NVL: variants seen among roughly 807,000 people sequenced by gnomAD.
The protein encoded by NVL is nuclear valosin-containing protein-like.
A neutral mutation model predicts 110.2 loss-of-function variants in NVL; 84 were observed. The observed-to-expected ratio is 0.76, with a 90% CI of 0.64 to 0.91. The LOEUF is 0.91. Ranked by LOEUF, NVL falls within the 40% of genes least tolerant of loss-of-function variation. The probability of loss-of-function intolerance (pLI) is 0.00; values close to 1 mark genes in which losing one functional copy is unlikely to be tolerated. For synonymous variants in NVL, 354 were observed against 361.1 expected (o/e 0.98, Z 0.22); for missense variants, 882 against 1,035.9 (o/e 0.85, Z 2.04).
chr1:224,311,914 A>T, intron 4 of NVL, 57 bp from the exon 5 acceptor site: 2 of 1,314,546 alleles, frequency 1.5e-6, no homozygotes, highest in Non-Finnish European at 2.2e-6. Flanking sequence ...TCCTAAAAAA[A>T]TGACTACCCA....
At chr1:224,249,881 G>A (rs1476061767) in intron 19 of NVL, among the ~76,000 whole-genome samples, 2 of 152,170 alleles carry the variant, frequency 1.3e-5, no homozygotes, top group Admixed American at 1.3e-4. Flanking sequence ...CCACAGGTGG[G>A]TGCCACCATA....
intron 9 of NVL, among the ~76,000 whole-genome samples, chr1:224,303,329 G>T (rs1387505548): frequency 6.6e-6 from 1 of 151,896 alleles, no homozygotes. Context: ...CAGCTACTGG[G>T]GAGGCTGAGG....
chr1:224,248,278 CTTT>C (rs1470266600), intron 19 of NVL, among the ~76,000 whole-genome samples: 6 of 152,202 alleles, frequency 3.9e-5, no homozygotes, highest in Admixed American at 3.3e-4. Context: ...TCTATATCTT[CTTT>C]GTTATTCCCG....
At chr1:224,274,723 A>G (rs962435496) in intron 17 of NVL, among the ~76,000 whole-genome samples, 2 of 152,190 alleles carry the variant, frequency 1.3e-5, no homozygotes, top group Non-Finnish European at 2.9e-5. Context: ...GTTATGCTTC[A>G]CTAAGCTTCA....
chr1:224,247,233 C>T lies in NVL; in HGVS notation c.2289+2979G>A, dbSNP rs1661950276. On this transcript the variant is annotated intron_variant, in intron 19 of 22. Transcript: ENST00000281701. ...ACTTTTTTTTCCTTTGAGACAGGGT[C>T]TCAGCTCTGTTGCTCAGGCTGGAGT... Among the ~76,000 whole-genome samples the T allele has an allele frequency of 5.3e-5, 8 of 151,958 alleles. No homozygotes were observed. In the South Asian group the frequency reaches 1.7e-3, roughly 31 times the overall value.
chr1:224,309,086 T>C (rs2102726831), intron 5 of NVL, among the ~76,000 whole-genome samples: 1 of 142,392 alleles, frequency 7.0e-6, no homozygotes, highest in South Asian at 2.3e-4. Context: ...AAAAAAAGAC[T>C]TCACTCCATT....
At chr1:224,303,249 A>G (rs1668591408) in intron 9 of NVL, among the ~76,000 whole-genome samples, 1 of 152,134 alleles carries the variant, frequency 6.6e-6, no homozygotes, top group South Asian at 2.1e-4. Context: ...AGCCTGGGCA[A>G]GAGGGTGAAA....
In NVL at chr1:224,303,736, T is replaced by C. The variant is rs142913195; in HGVS notation, c.947A>G (p.His316Arg). 2.3e-4 allele frequency: 374 copies of C among 1,612,262 alleles called. 1 individual carries two copies. The African/African-American group carries it at 4.4e-3, about 19-fold the overall frequency. The change falls in exon 9 of 23, where the codon CAT (histidine) becomes CGT (arginine). Residue 316 changes from histidine to arginine, a missense_variant. Physicochemically the swap from His to Arg is conservative, Grantham distance 29. Transcript: ENST00000281701. ...PPGCGKTLLA[H>R]AIAGELDLPI... ...AGCAAGCCTCACCCCAGCAATTGCATGTGCAAGTAATGTCTTCCCACAGCC... is the reference window on the plus strand; with the variant it reads ...AGCAAGCCTCACCCCAGCAATTGCACGTGCAAGTAATGTCTTCCCACAGCC...
At chr1:224,240,997 G>A (rs998281156) in intron 19 of NVL, among the ~76,000 whole-genome samples, 2 of 151,762 alleles carry the variant, frequency 1.3e-5, no homozygotes, top group African/African-American at 2.4e-5. Flanking sequence ...CACCATGTTG[G>A]CCAGGCTGGT....
chr1:224,307,987 A>G lies in NVL; in HGVS notation c.615+4T>C, dbSNP rs1170650008. 6.6e-6 allele frequency: 10 copies of G among 1,512,286 alleles called. No individual in the cohort carries two copies. The Admixed American group carries it at 1.6e-4, about 24-fold the overall frequency. The allele number at this position is 1,512,286 out of a possible 1,614,324, so 93.7% of individuals were successfully genotyped here. On this transcript the variant is annotated splice_donor_region_variant and intron_variant, in intron 6 of 22. Transcript: ENST00000281701. ...ATGGGGCTAAAATTTCATTACAAAA[A>G]TACCTGTATCTCAGTTATTGGCTTC...
intron 20 of NVL, among the ~76,000 whole-genome samples, chr1:224,234,227 T>C (rs1364428504): frequency 6.6e-6 from 1 of 152,194 alleles, no homozygotes; most frequent in Non-Finnish European, 1.5e-5. Flanking sequence ...AGCACAGTTC[T>C]GAGTTCAATG....
intron 18 of NVL, among the ~76,000 whole-genome samples, chr1:224,259,321 C>T (rs753431870): frequency 4.6e-5 from 7 of 152,114 alleles, no homozygotes; most frequent in African/African-American, 9.7e-5. Flanking sequence ...AAACTCCTGG[C>T]CTCAAGTGGT....
At chr1:224,303,115 G>C (rs1668580008) in intron 9 of NVL, 1 of 170,058 alleles carries the variant, frequency 5.9e-6, no homozygotes, top group South Asian at 1.1e-4. Context: ...TGTAAGCTAT[G>C]TGTTAATAAA....
chr1:224,268,976 A>G lies in NVL; in HGVS notation c.2083-843T>C, dbSNP rs112331275. Reference sequence around the variant, plus strand: ...GCCCGGCCCTAGACTAAGCTTTTGAACCCCAAATTTCCCAGTATATCAGGT... The same window carrying G: ...GCCCGGCCCTAGACTAAGCTTTTGAGCCCCAAATTTCCCAGTATATCAGGT... On this transcript the variant is annotated intron_variant, in intron 17 of 22. Coordinates refer to ENST00000281701, the MANE Select transcript of NVL (RefSeq NM_002533.4). Among the ~76,000 whole-genome samples the G allele has an allele frequency of 8.5e-3, 1,280 of 150,474 alleles. 19 individuals carry two copies. The highest frequency in any genetic ancestry group is 0.03 in the African/African-American group (1,210 of 40,932).
chr1:224,241,062 T>C (rs1225140432), intron 19 of NVL, among the ~76,000 whole-genome samples: 1 of 152,174 alleles, frequency 6.6e-6, no homozygotes, highest in African/African-American at 2.4e-5. Flanking sequence ...GTGCTGGGAT[T>C]ACAGGCACAA....
At chr1:224,293,549 T>C (rs1311794325) in intron 12 of NVL, among the ~76,000 whole-genome samples, 1 of 152,256 alleles carries the variant, frequency 6.6e-6, no homozygotes, top group Non-Finnish European at 1.5e-5. Context: ...ACTGTCTGGC[T>C]GCCATTTCAT....
intron 13 of NVL, among the ~76,000 whole-genome samples, chr1:224,288,836 T>C (rs759864537): frequency 6.6e-6 from 1 of 152,224 alleles, no homozygotes; most frequent in Non-Finnish European, 1.5e-5. Context: ...TGAAATGATA[T>C]ATATATTGAA....
chr1:224,324,878 T>C (rs895842127), intron 2 of NVL, among the ~76,000 whole-genome samples: 3 of 152,188 alleles, frequency 2.0e-5, no homozygotes, highest in African/African-American at 2.4e-5. Flanking sequence ...TAAGCTGAAT[T>C]GTGTTTCCCT....
Position 224,281,111 on chromosome 1 carries a change from T to C in NVL, c.1962+12A>G. ...TCTAATCTAAAATAATGGTTCTTGC[T>C]CAATAACTTACCATGTTTAGTAATT... On this transcript the variant is annotated intron_variant, in intron 16 of 22. Transcript: ENST00000281701. 1 of 1,610,682 alleles carries C rather than the reference T, an allele frequency of 6.2e-7. No individual in the cohort carries two copies. Among genetic ancestry groups the C allele is most frequent in the Non-Finnish European group, 8.5e-7 (1 of 1,177,046 alleles).
Sources: allele counts gnomAD v4.1 joint callset (sites outside exome capture counted in the v4.1 genomes callset), GRCh38; gene constraint gnomAD v4.1.1; transcripts MANE v1.5; gene names NCBI Gene and HGNC (gene_info 2026-07-23, HGNC 2026-07-21).